GXYLT1: variants seen among roughly 807,000 people sequenced by gnomAD.
GXYLT1 encodes glucoside xylosyltransferase 1.
GXYLT1 carries 29 observed loss-of-function variants against 54.0 expected under a neutral mutation model. The ratio of observed to expected loss-of-function variants is 0.54; its 90% CI spans 0.40 to 0.73. The LOEUF is 0.73. Ranked by LOEUF, GXYLT1 falls within the 30% of genes least tolerant of loss-of-function variation. The probability of loss-of-function intolerance (pLI) is 0.00; values close to 1 mark genes in which losing one functional copy is unlikely to be tolerated. For synonymous variants in GXYLT1, 176 were observed against 204.1 expected, an observed-to-expected ratio of 0.86 and a Z score of 1.17; for missense variants, 490 against 553.4, an observed-to-expected ratio of 0.89 and a Z score of 1.15.
chr12:42,109,523 TAAA>T (rs201861073), intron 4 of GXYLT1, 40 bp downstream of exon 4: 6,059 of 1,116,518 alleles, frequency 5.4e-3, no homozygotes, highest in Middle Eastern at 0.011. Context: ...GGTTCAAATT[TAAA>T]AAAAAAAAAA....
rs982178698 is a variant in GXYLT1, at chr12:42,083,862, C to T, written c.*3924G>A. 1 of 152,162 alleles carries T rather than the reference C, an allele frequency of 6.6e-6. No homozygotes were observed. Among genetic ancestry groups the T allele is most frequent in the African/African-American group, 2.4e-5 (1 of 41,430 alleles). The allele number at this position is 152,162 out of a possible 1,614,324, so 9.4% of individuals were successfully genotyped here. ...AGCAGTCCCCTCCACTTCCAACCTC[C>T]ACTGGGGAATATGTAGTTAGTCTTG... On this transcript the variant is annotated 3_prime_UTR_variant, in exon 8 of 8. Coordinates refer to ENST00000398675, the MANE Select transcript of GXYLT1 (RefSeq NM_173601.2).
At position 42,115,046 on chromosome 12, in the gene GXYLT1, T is replaced by C. The variant is rs1396775028; in HGVS notation, c.486+3954A>G. ...GACAAAAACCACATGATTATCTCAA[T>C]AGATGCAGAAAAGGCTTTTGACAAA... On this transcript the variant is annotated intron_variant, in intron 3 of 7. Coordinates refer to ENST00000398675, the MANE Select transcript of GXYLT1 (RefSeq NM_173601.2). Among the ~76,000 whole-genome samples the C allele has an allele frequency of 5.3e-5, 8 of 152,186 alleles. No individual in the cohort carries two copies. In the East Asian group the frequency reaches 1.3e-3, roughly 26 times the overall value.
At chr12:42,106,242 C>A (rs2065420514) in intron 4 of GXYLT1, among the ~76,000 whole-genome samples, 173 bp from the exon 5 acceptor site, 1 of 152,028 alleles carries the variant, frequency 6.6e-6, no homozygotes, top group Non-Finnish European at 1.5e-5. Context: ...TATAAAGATA[C>A]TATGCTAACC....
chr12:42,124,476 T>A (rs899996532), intron 2 of GXYLT1, among the ~76,000 whole-genome samples: 1 of 151,978 alleles, frequency 6.6e-6, no homozygotes, highest in Non-Finnish European at 1.5e-5. Flanking sequence ...ATTCAATAGA[T>A]AACTATCAAT....
At chr12:42,127,087 G>A (rs2065567261) in intron 2 of GXYLT1, among the ~76,000 whole-genome samples, 1 of 152,046 alleles carries the variant, frequency 6.6e-6, no homozygotes, top group African/African-American at 2.4e-5. Flanking sequence ...AATTCAAGTT[G>A]GGAAAGTAAG....
chr12:42,111,014 C>T (rs1289103171), intron 3 of GXYLT1, among the ~76,000 whole-genome samples: 2 of 152,300 alleles, frequency 1.3e-5, no homozygotes, highest in Non-Finnish European at 2.9e-5. Context: ...AGAGGCTGCA[C>T]CTAAGATAAT....
chr12:42,085,263 A>G lies in GXYLT1; in HGVS notation c.*2523T>C, dbSNP rs570491497. On this transcript the variant is annotated 3_prime_UTR_variant, in exon 8 of 8. Coordinates refer to ENST00000398675, the MANE Select transcript of GXYLT1 (RefSeq NM_173601.2). Reference sequence around the variant, plus strand: ...GATCAATTAGGTCAGGTCTAAATAAACCAGATGAAGAACCTTCCAACTGAT... The same window carrying G: ...GATCAATTAGGTCAGGTCTAAATAAGCCAGATGAAGAACCTTCCAACTGAT... 9.8e-5 allele frequency: 15 copies of G among 152,350 alleles called. No individual in the cohort carries two copies. The highest frequency in any genetic ancestry group is 4.6e-4 in the Admixed American group (7 of 15,306). 9.4% of individuals were successfully genotyped at this position (152,350 alleles called of 1,614,324 possible).
chr12:42,111,288 C>A (rs1426790054), intron 3 of GXYLT1, among the ~76,000 whole-genome samples: 1 of 152,214 alleles, frequency 6.6e-6, no homozygotes, highest in African/African-American at 2.4e-5. Flanking sequence ...AGGTGCAGGA[C>A]AGTGGCTGCA....
At chr12:42,134,498 CAA>C (rs960212218) in intron 1 of GXYLT1, among the ~76,000 whole-genome samples, 6 of 152,108 alleles carry the variant, frequency 3.9e-5, no homozygotes, top group African/African-American at 1.4e-4. Flanking sequence ...TTTGTAGAGA[CAA>C]AGTTTTGCTT....
intron 7 of GXYLT1, among the ~76,000 whole-genome samples, chr12:42,091,943 C>T (rs1002677374): frequency 6.6e-6 from 1 of 152,186 alleles, no homozygotes; most frequent in Non-Finnish European, 1.5e-5. Flanking sequence ...GATCTTTTCA[C>T]AGCCTCTGAA....
At chr12:42,093,881 C>G (rs1303794151) in intron 7 of GXYLT1, among the ~76,000 whole-genome samples, 1 of 151,928 alleles carries the variant, frequency 6.6e-6, no homozygotes, top group Non-Finnish European at 1.5e-5. Context: ...AAAAGGATAG[C>G]CATTTGGAAA....
intron 1 of GXYLT1, among the ~76,000 whole-genome samples, chr12:42,136,073 T>C (rs2065617912): frequency 6.6e-6 from 1 of 152,228 alleles, no homozygotes; most frequent in Admixed American, 6.5e-5. Context: ...AGGAATGAAG[T>C]AATTTGTTTA....
intron 1 of GXYLT1, among the ~76,000 whole-genome samples, chr12:42,132,357 G>A (rs1055804667): frequency 1.3e-5 from 2 of 152,004 alleles, no homozygotes; most frequent in Non-Finnish European, 2.9e-5. Flanking sequence ...TTTTTTTATC[G>A]CAGTACTGAT....
intron 3 of GXYLT1, among the ~76,000 whole-genome samples, chr12:42,115,862 C>T (rs2065491063): frequency 7.4e-6 from 1 of 134,396 alleles, no homozygotes; most frequent in Admixed American, 7.5e-5. Flanking sequence ...AGGCATCATG[C>T]TACCTGACTT....
chr12:42,096,909 G>A (rs1383643934), intron 7 of GXYLT1, among the ~76,000 whole-genome samples: 2 of 152,102 alleles, frequency 1.3e-5, no homozygotes, highest in African/African-American at 2.4e-5. Flanking sequence ...ACAGAATTCT[G>A]AGCAGGCATG....
At chr12:42,093,747 G>A (rs984027380) in intron 7 of GXYLT1, among the ~76,000 whole-genome samples, 1 of 151,936 alleles carries the variant, frequency 6.6e-6, no homozygotes, top group African/African-American at 2.4e-5. Context: ...TGGGCTGAGG[G>A]AGTTGCCTCA....
intron 1 of GXYLT1, among the ~76,000 whole-genome samples, chr12:42,140,240 T>C (rs1375105451): frequency 1.5e-5 from 1 of 67,408 alleles, no homozygotes; most frequent in African/African-American, 6.1e-5. Context: ...AGTGTGAAAA[T>C]AGTGCCCAAA....
At chr12:42,106,464 C>T (rs1397832512) in intron 4 of GXYLT1, among the ~76,000 whole-genome samples, 1 of 152,092 alleles carries the variant, frequency 6.6e-6, no homozygotes, top group Non-Finnish European at 1.5e-5. Context: ...ATTTTCTGAA[C>T]TTATTCCCCT....
chr12:42,129,061 T>TG (rs1043642275), intron 2 of GXYLT1, among the ~76,000 whole-genome samples: 1 of 152,188 alleles, frequency 6.6e-6, no homozygotes, highest in Middle Eastern at 3.2e-3. Context: ...TTCAAACCTT[T>TG]GCCCCACTCT....
Sources: gnomAD v4.1 joint callset for allele counts (sites outside exome capture counted in the v4.1 genomes callset) on GRCh38, gnomAD v4.1.1 for gene constraint, MANE v1.5 for transcripts, NCBI Gene and HGNC (gene_info 2026-07-23, HGNC 2026-07-21) for gene names.